Variants in PEX14 observed in about 807,000 individuals in gnomAD.
PEX14 encodes peroxisomal membrane protein PEX14.
PEX14 carries 15 observed loss-of-function variants against 49.5 expected under a neutral mutation model. The ratio of observed to expected loss-of-function variants is 0.30; its 90% CI spans 0.20 to 0.47. PEX14 has a LOEUF of 0.47. Ranked by LOEUF, PEX14 falls within the 20% of genes least tolerant of loss-of-function variation. PEX14 has a pLI of 1.00. For synonymous variants in PEX14, 210 were observed against 212.7 expected (o/e 0.99, Z 0.11); for missense variants, 398 against 494.8 (o/e 0.80, Z 1.86).
rs755602312 is a variant in PEX14 at position 10,529,118 on chromosome 1, G to C, written c.85-7095G>C. 6.6e-6 allele frequency among the ~76,000 whole-genome samples: 1 copy of C among 152,208 alleles called. No homozygotes were observed. Among genetic ancestry groups the C allele is most frequent in the Non-Finnish European group, 1.5e-5 (1 of 68,036 alleles). On this transcript the variant is annotated intron_variant, in intron 2 of 8. Transcript: ENST00000356607. The surrounding 1 kb of genome is among the most constrained non-coding windows in gnomAD (Gnocchi z 4.2). ...GCTATCTAAATTCAGGTGGGGATGC[G>C]TGGGGACAAGGCATTTAAATGTGCT...
intron 1 of PEX14, among the ~76,000 whole-genome samples, chr1:10,487,880 A>C (rs1257701204): frequency 6.6e-6 from 1 of 151,766 alleles, no homozygotes; most frequent in East Asian, 1.9e-4. Flanking sequence ...TCCTGGGTTC[A>C]AGGGATTCTT....
intron 5 of PEX14, among the ~76,000 whole-genome samples, chr1:10,619,820 C>T (rs983408462): frequency 5.9e-5 from 9 of 152,106 alleles, no homozygotes; most frequent in African/African-American, 2.2e-4. Context: ...AATTGAGAAA[C>T]AAGGGCTGGG....
At chr1:10,507,766 T>G (rs1641812105) in intron 2 of PEX14, among the ~76,000 whole-genome samples, 1 of 152,204 alleles carries the variant, frequency 6.6e-6, no homozygotes, top group South Asian at 2.1e-4. Flanking sequence ...AAATACAATA[T>G]CCAGGATCTT....
At chr1:10,523,110 C>A (rs1638355077) in intron 2 of PEX14, among the ~76,000 whole-genome samples, 1 of 152,084 alleles carries the variant, frequency 6.6e-6, no homozygotes, top group Non-Finnish European at 1.5e-5. Context: ...ATGTTTCTCT[C>A]TTGGCATTTG....
At chr1:10,582,817 T>C (rs1263193482) in intron 3 of PEX14, among the ~76,000 whole-genome samples, 4 of 152,170 alleles carry the variant, frequency 2.6e-5, no homozygotes, top group Admixed American at 2.6e-4. Context: ...CACTGTGACC[T>C]CCGCCTCCCG....
At chr1:10,527,652 A>G (rs1638529551) in intron 2 of PEX14, among the ~76,000 whole-genome samples, 1 of 151,214 alleles carries the variant, frequency 6.6e-6, no homozygotes, top group South Asian at 2.1e-4. Context: ...GTTTGGTAGA[A>G]TTGCCTTTTA....
At chr1:10,586,302 G>A (rs1459799172) in intron 3 of PEX14, among the ~76,000 whole-genome samples, 2 of 152,186 alleles carry the variant, frequency 1.3e-5, no homozygotes, top group Non-Finnish European at 2.9e-5. Context: ...GACTAAAATG[G>A]AAAAGACTGA....
chr1:10,553,410 G>A (rs1340185830), intron 3 of PEX14, among the ~76,000 whole-genome samples: 1 of 152,178 alleles, frequency 6.6e-6, no homozygotes, highest in Non-Finnish European at 1.5e-5. Flanking sequence ...TTAGTGGTTG[G>A]CCAGAGGCGG....
intron 2 of PEX14, among the ~76,000 whole-genome samples, chr1:10,497,202 G>T (rs894782839): frequency 6.6e-6 from 1 of 152,172 alleles, no homozygotes; most frequent in Non-Finnish European, 1.5e-5. Context: ...GCTGAGTCGC[G>T]TGGTCTTGTG....
At chr1:10,565,972 T>A (rs147943676) in intron 3 of PEX14, among the ~76,000 whole-genome samples, 1 of 152,372 alleles carries the variant, frequency 6.6e-6, no homozygotes, top group African/African-American at 2.4e-5. Flanking sequence ...TTTATTTACA[T>A]GTCTGTCTAT....
chr1:10,490,980 C>T (rs1033888026), intron 1 of PEX14, among the ~76,000 whole-genome samples: 1 of 151,748 alleles, frequency 6.6e-6, no homozygotes, highest in African/African-American at 2.4e-5. Flanking sequence ...CTGGTGTGAA[C>T]CACCATGCCC....
chr1:10,582,192 A>T (rs1410436162), intron 3 of PEX14, among the ~76,000 whole-genome samples: 2 of 151,496 alleles, frequency 1.3e-5, no homozygotes, highest in Non-Finnish European at 2.9e-5. Flanking sequence ...TTTTTTTAAG[A>T]GGGGAAAAAA....
intron 4 of PEX14, among the ~76,000 whole-genome samples, chr1:10,602,782 G>C (rs1282209108): frequency 6.6e-6 from 1 of 152,158 alleles, no homozygotes; most frequent in Non-Finnish European, 1.5e-5. Context: ...TCTGAACTAG[G>C]TGCACAATCT....
At chr1:10,563,280 A>T (rs1231309654) in intron 3 of PEX14, among the ~76,000 whole-genome samples, 2 of 150,572 alleles carry the variant, frequency 1.3e-5, no homozygotes, top group Non-Finnish European at 3.0e-5. Context: ...AGAACTCTAG[A>T]TTGGCAGTTA....
intron 4 of PEX14, among the ~76,000 whole-genome samples, chr1:10,604,254 T>A (rs1391855909): frequency 6.6e-6 from 1 of 152,152 alleles, no homozygotes; most frequent in Non-Finnish European, 1.5e-5. Flanking sequence ...GCTGCTTGGT[T>A]CAGTGATCAG....
At chr1:10,528,886 C>A (rs987895799) in intron 2 of PEX14, among the ~76,000 whole-genome samples, 3 of 152,216 alleles carry the variant, frequency 2.0e-5, no homozygotes, top group African/African-American at 7.2e-5. Flanking sequence ...GCCTTCTCTG[C>A]TGAGGTCACT....
chr1:10,590,834 C>A (rs1347982950), intron 3 of PEX14, among the ~76,000 whole-genome samples: 1 of 152,124 alleles, frequency 6.6e-6, no homozygotes, highest in South Asian at 2.1e-4. Flanking sequence ...ACATCTGATG[C>A]CTGCATGGCA....
At chr1:10,552,108 TATACTGC>T (rs1557840521) in intron 3 of PEX14, among the ~76,000 whole-genome samples, 2 of 151,812 alleles carry the variant, frequency 1.3e-5, no homozygotes, top group East Asian at 1.9e-4. Flanking sequence ...AAAAATAAGT[TATACTGC>T]ATACTGCATA....
At chr1:10,498,529 G>A (rs987737949) in intron 2 of PEX14, among the ~76,000 whole-genome samples, 9 of 152,170 alleles carry the variant, frequency 5.9e-5, no homozygotes, top group African/African-American at 9.7e-5. Flanking sequence ...GTCTCTAAAC[G>A]ACACATTCGT....
Sources: allele counts gnomAD v4.1 joint callset (sites outside exome capture counted in the v4.1 genomes callset), GRCh38; gene constraint gnomAD v4.1.1; non-coding constraint Gnocchi (gnomAD v3.1); transcripts MANE v1.5; gene names NCBI Gene and HGNC (gene_info 2026-07-23, HGNC 2026-07-21).